The following ADAM12 variants were observed in gnomAD, a reference collection of about 807,000 sequenced individuals.
ADAM12 encodes ADAM metallopeptidase domain 12.
In ADAM12, 70 loss-of-function variants were observed where a neutral mutation model predicts 106.4. The ratio of observed to expected loss-of-function variants is 0.66; its 90% CI spans 0.54 to 0.80. ADAM12 has a LOEUF of 0.80. ADAM12 is among the 30% of genes least tolerant of loss of function. The pLI is 0.00. For synonymous variants in ADAM12, 420 were observed against 433.5 expected (o/e 0.97, Z 0.39); for missense variants, 1,010 against 1,171.9 (o/e 0.86, Z 2.02).
chr10:126,117,267 G>A lies in ADAM12; in HGVS notation c.603+771C>T, dbSNP rs963177606. On this transcript the variant is annotated intron_variant, in intron 6 of 22. Coordinates refer to ENST00000448723, the MANE Select transcript of ADAM12 (RefSeq NM_001288973.2). Reference sequence around the variant, plus strand: ...GAAAAGGGGCAGGCCACCCTTAGGGGTGGAGGTTTCATGGTGTGACACTAC... The same window carrying A: ...GAAAAGGGGCAGGCCACCCTTAGGGATGGAGGTTTCATGGTGTGACACTAC... 2.6e-5 allele frequency among the ~76,000 whole-genome samples: 4 copies of A among 152,334 alleles called. No homozygotes were observed. In the South Asian group the frequency reaches 8.3e-4, roughly 32 times the overall value.
chr10:126,249,645 A>T (rs1650347300), intron 3 of ADAM12, among the ~76,000 whole-genome samples: 1 of 152,188 alleles, frequency 6.6e-6, no homozygotes, highest in South Asian at 2.1e-4. Flanking sequence ...CGGAGCTTGC[A>T]GTGAGCCGAG....
chr10:126,026,729 C>A (rs911100556), intron 21 of ADAM12, among the ~76,000 whole-genome samples: 7 of 152,118 alleles, frequency 4.6e-5, no homozygotes, highest in African/African-American at 1.4e-4. Context: ...CTAATGAGAA[C>A]AAAGAGCCAA....
At chr10:126,061,842 T>G (rs974441484) in intron 14 of ADAM12, among the ~76,000 whole-genome samples, 2 of 152,220 alleles carry the variant, frequency 1.3e-5, no homozygotes, top group Non-Finnish European at 2.9e-5. Context: ...CCTCCAGAAC[T>G]GTAAAATGAA....
At chr10:126,191,052 A>C (rs1231511768) in intron 3 of ADAM12, among the ~76,000 whole-genome samples, 1 of 127,700 alleles carries the variant, frequency 7.8e-6, no homozygotes, top group Non-Finnish European at 1.6e-5. Flanking sequence ...CCCAGGCTGG[A>C]GTGCAGTAGC....
chr10:126,370,430 C>T (rs1489155483), intron 1 of ADAM12, among the ~76,000 whole-genome samples: 1 of 152,142 alleles, frequency 6.6e-6, no homozygotes. Flanking sequence ...AGATAGTATA[C>T]TTAATTATTA....
intron 5 of ADAM12, among the ~76,000 whole-genome samples, chr10:126,124,289 C>T (rs903661797): frequency 3.4e-5 from 5 of 148,478 alleles, no homozygotes; most frequent in African/African-American, 7.4e-5. Flanking sequence ...AATTTAATTT[C>T]GGCTTTTTTT....
Position 126,036,283 on chromosome 10 carries a change from T to C in ADAM12, c.2392A>G (p.Ser798Gly). ...ACATTCAGGCCGTTGAGGGGTCTGC[T>C]GATGTCAACATTCTGACACTGCAGC... ...RLLQCQNVDI[S>G]RPLNGLNVPQ... Residue 798 changes from serine to glycine, a missense_variant, in exon 21 of 23, where the codon AGC (serine) becomes GGC (glycine). This residue lies in a region of ADAM12 where 615 missense variants were observed against 708.5 expected (regional missense o/e 0.87). Coordinates refer to ENST00000448723, the MANE Select transcript of ADAM12 (RefSeq NM_001288973.2). 1 of 1,562,664 alleles carries C rather than the reference T, an allele frequency of 6.4e-7. No individual in the cohort carries two copies. The highest frequency in any genetic ancestry group is 8.6e-7 in the Non-Finnish European group (1 of 1,160,996).
intron 3 of ADAM12, among the ~76,000 whole-genome samples, chr10:126,237,893 T>C (rs1008630640): frequency 6.6e-6 from 1 of 152,182 alleles, no homozygotes; most frequent in African/African-American, 2.4e-5. Flanking sequence ...GGTGTGTCAT[T>C]CTGTGCTCTC....
intron 11 of ADAM12, among the ~76,000 whole-genome samples, chr10:126,093,745 C>T (rs1955506996): frequency 6.6e-6 from 1 of 152,256 alleles, no homozygotes; most frequent in Admixed American, 6.5e-5. Flanking sequence ...TCCATGCCCA[C>T]CATTCCTCAA....
At position 126,105,818 on chromosome 10, in the gene ADAM12, TG is replaced by T. The variant is rs545304724; in HGVS notation, c.741+2774del. ...CCTTTCACCAGGATTCTCCTGCACC[TG>T]GACTATGGGATAAAGTTGAATCTGC... On this transcript the variant is annotated intron_variant, in intron 8 of 22. Coordinates refer to ENST00000448723, the MANE Select transcript of ADAM12 (RefSeq NM_001288973.2). 2.2e-4 allele frequency among the ~76,000 whole-genome samples: 34 copies of T among 152,340 alleles called. No individual in the cohort carries two copies. In the East Asian group the frequency reaches 4.8e-3, roughly 22 times the overall value.
chr10:126,178,052 T>A (rs542912310), intron 3 of ADAM12, among the ~76,000 whole-genome samples: 1 of 152,290 alleles, frequency 6.6e-6, no homozygotes, highest in South Asian at 2.1e-4. Context: ...ACCGGGAAAG[T>A]TTTGTGTTTT....
chr10:126,293,141 C>T (rs1041704934), intron 2 of ADAM12, among the ~76,000 whole-genome samples: 3 of 152,180 alleles, frequency 2.0e-5, no homozygotes, highest in Non-Finnish European at 4.4e-5. Flanking sequence ...AAAGTGGGCG[C>T]CATCCAGTGC....
intron 3 of ADAM12, among the ~76,000 whole-genome samples, chr10:126,174,008 ATTTTTTTTT>A (rs200354475): frequency 0.012 from 1,064 of 90,412 alleles, 18 homozygotes; most frequent in African/African-American, 0.051. Flanking sequence ...TCTGTTGTTG[ATTTTTTTTT>A]TTTTTTTTTT....
In ADAM12 at chr10:126,242,058, T is replaced by C. The variant is rs571108536; in HGVS notation, c.260+36857A>G. On this transcript the variant is annotated intron_variant, in intron 3 of 22. Transcript: ENST00000448723. Reference sequence around the variant, plus strand: ...CCCCCCATTATATGAATCACTCTGCTTGTTTCAATTTATGCTTGCAAAGCT... The same window carrying C: ...CCCCCCATTATATGAATCACTCTGCCTGTTTCAATTTATGCTTGCAAAGCT... Among the ~76,000 whole-genome samples, 28 of 152,270 alleles carry C rather than the reference T, an allele frequency of 1.8e-4. 1 individual carries two copies. In the South Asian group the frequency reaches 5.8e-3, roughly 32 times the overall value.
chr10:126,102,846 T>C (rs1379524453), intron 8 of ADAM12, among the ~76,000 whole-genome samples: 1 of 152,242 alleles, frequency 6.6e-6, no homozygotes, highest in Non-Finnish European at 1.5e-5. Context: ...TCTGGAACTC[T>C]GAATGCACAT....
intron 3 of ADAM12, among the ~76,000 whole-genome samples, chr10:126,208,754 C>T (rs1416545398): frequency 6.6e-6 from 1 of 151,982 alleles, no homozygotes; most frequent in African/African-American, 2.4e-5. Context: ...TTGACACTTG[C>T]AGGAAAATGC....
chr10:126,061,863 G>C (rs1954762768), intron 14 of ADAM12, among the ~76,000 whole-genome samples: 1 of 152,158 alleles, frequency 6.6e-6, no homozygotes, highest in Admixed American at 6.5e-5. Context: ...GCATTTATAA[G>C]CCATTAAGTT....
rs775890421 is a variant in ADAM12, at chr10:126,042,167, C to T, written c.2104+873G>A. 3 of 1,613,840 alleles carry T rather than the reference C, an allele frequency of 1.9e-6. No homozygotes were observed. In the East Asian group the frequency reaches 6.7e-5, roughly 36 times the overall value. Reference sequence around the variant, plus strand: ...GTCAGTGAGGCAGTAGACGCATGCTCCTGCGATCCCACGGGCTCCTGGCCC... The same window carrying T: ...GTCAGTGAGGCAGTAGACGCATGCTTCTGCGATCCCACGGGCTCCTGGCCC... On this transcript the variant is annotated intron_variant, in intron 18 of 22. Transcript: ENST00000448723.
intron 4 of ADAM12, among the ~76,000 whole-genome samples, chr10:126,147,837 A>T (rs1473333662): frequency 6.6e-6 from 1 of 152,186 alleles, no homozygotes; most frequent in South Asian, 2.1e-4. Context: ...TCCCTGCTGT[A>T]TTCTCAGCAT....
Sources: allele counts gnomAD v4.1 joint callset (sites outside exome capture counted in the v4.1 genomes callset), GRCh38; gene constraint gnomAD v4.1.1; regional missense constraint gnomAD v4.1.1; transcripts MANE v1.5; gene names NCBI Gene and HGNC (gene_info 2026-07-23, HGNC 2026-07-21).